The following TJP2 variants were observed in gnomAD, a reference collection of about 807,000 sequenced individuals.
TJP2 encodes the protein Friedreich ataxia region gene X104 (tight junction protein ZO-2).
A neutral mutation model predicts 133.1 loss-of-function variants in TJP2; 91 were observed. The ratio of observed to expected loss-of-function variants is 0.68; its 90% CI spans 0.58 to 0.81. The LOEUF (loss-of-function observed/expected upper bound fraction) is 0.81, where lower values mean the gene tolerates loss of function less well. TJP2 is among the 40% of genes least tolerant of loss of function. The pLI, the probability that TJP2 is intolerant of heterozygous loss-of-function variation, is 0.00. For synonymous variants in TJP2, 592 were observed against 583.4 expected (o/e 1.01, Z -0.21); for missense variants, 1,541 against 1,565.6 (o/e 0.98, Z 0.26).
intron 12 of TJP2, among the ~76,000 whole-genome samples, chr9:69,235,245 A>T (rs1304720751): frequency 6.6e-6 from 1 of 152,116 alleles, no homozygotes; most frequent in Non-Finnish European, 1.5e-5. Context: ...AAAAGAGCTG[A>T]TGTCGCCTTT....
At chr9:69,241,502 G>C (rs1830573593) in intron 17 of TJP2, among the ~76,000 whole-genome samples, 2 of 152,128 alleles carry the variant, frequency 1.3e-5, no homozygotes. Flanking sequence ...AGTGTAACTT[G>C]GTTTTTCTTG....
At chr9:69,185,600 T>C (rs965427571) in intron 1 of TJP2, among the ~76,000 whole-genome samples, 4 of 152,242 alleles carry the variant, frequency 2.6e-5, no homozygotes, top group Non-Finnish European at 5.9e-5. Flanking sequence ...GCTGCTTTAA[T>C]GTATAATTTT....
chr9:69,122,231 C>T (rs1004919426), intron 1 of TJP2: 4 of 152,308 alleles, frequency 2.6e-5, no homozygotes, highest in Admixed American at 6.5e-5. Context: ...TCTGTTGGCG[C>T]AGCCAACTGC....
chr9:69,174,199 ACGCCGC>A, upstream of TJP2: 1 of 1,388,530 alleles, frequency 7.2e-7, no homozygotes. Context: ...GGGCGGGCTG[ACGCCGC>A]CGCCGCCGCG....
chr9:69,165,338 A>G (rs1342460889), intron 2 of TJP2, among the ~76,000 whole-genome samples: 3 of 151,998 alleles, frequency 2.0e-5, no homozygotes, highest in African/African-American at 4.8e-5. Context: ...GGGTCTTCCT[A>G]TGTTGCCTAG....
At chr9:69,157,615 G>A (rs939832863) in intron 2 of TJP2, among the ~76,000 whole-genome samples, 3 of 151,956 alleles carry the variant, frequency 2.0e-5, no homozygotes, top group Non-Finnish European at 2.9e-5. Context: ...AGAGGCACAC[G>A]CCACCATGCC....
intron 21 of TJP2, among the ~76,000 whole-genome samples, chr9:69,251,968 A>C (rs566926583): frequency 6.2e-4 from 95 of 152,098 alleles, no homozygotes; most frequent in African/African-American, 2.3e-3. Context: ...TACCATTTCA[A>C]CCACTTTTTT....
chr9:69,171,453 T>G (rs564873587), upstream of TJP2, among the ~76,000 whole-genome samples: 1 of 152,304 alleles, frequency 6.6e-6, no homozygotes, highest in East Asian at 1.9e-4. Flanking sequence ...AACTTCACCT[T>G]CTGGCACCTC....
chr9:69,174,943 G>A (rs1198734329), intron 1 of TJP2, among the ~76,000 whole-genome samples: 1 of 150,856 alleles, frequency 6.6e-6, no homozygotes, highest in Non-Finnish European at 1.5e-5. Flanking sequence ...TAGGGAATGG[G>A]GATGGAGGTT....
chr9:69,150,460 ATTTT>A (rs964890118), intron 1 of TJP2, among the ~76,000 whole-genome samples: 20 of 151,428 alleles, frequency 1.3e-4, no homozygotes, highest in African/African-American at 4.9e-4. Context: ...TGCCCAGCTA[ATTTT>A]TGTATTTTTA....
intron 19 of TJP2, chr9:69,248,906 G>T (rs1164324536): frequency 1.0e-6 from 1 of 988,632 alleles, no homozygotes. Flanking sequence ...TATTGCTGTG[G>T]ATTTCTCTCT....
At position 69,252,846 on chromosome 9, in the gene TJP2, A is replaced by C; in HGVS notation, c.3353A>C (p.Tyr1118Ser). ...ATTGCCCAGAAGCATCCTGATATCT[A>C]TGCAGTTCCAATCAAAACGCACAAG... is the stretch of plus-strand genomic sequence containing the variant. ...IEIAQKHPDI[Y>S]AVPIKTHKPD... The change falls in exon 22 of 23, where the codon TAT becomes TCT. Residue 1118 changes from tyrosine to serine, a missense_variant. Transcript: ENST00000377245. 1 of 1,614,194 alleles carries C rather than the reference A, an allele frequency of 6.2e-7. No homozygotes were observed. The highest frequency in any genetic ancestry group is 8.5e-7 in the Non-Finnish European group (1 of 1,180,048).
At chr9:69,140,914 T>C (rs879629392) in intron 1 of TJP2, among the ~76,000 whole-genome samples, 7 of 152,250 alleles carry the variant, frequency 4.6e-5, no homozygotes, top group Non-Finnish European at 8.8e-5. Context: ...TGGTGCGATC[T>C]TGGCTCACTG....
chr9:69,165,684 C>T (rs1824313412), intron 2 of TJP2, among the ~76,000 whole-genome samples: 1 of 152,144 alleles, frequency 6.6e-6, no homozygotes, highest in Non-Finnish European at 1.5e-5. Context: ...GAGAGTGTGG[C>T]TTTCATATAT....
chr9:69,223,068 T>TG (rs1333069085), intron 5 of TJP2, among the ~76,000 whole-genome samples: 3 of 14,564 alleles, frequency 2.1e-4, no homozygotes, highest in African/African-American at 4.5e-4. Context: ...GACTCTGTCT[T>TG]GAAAAAAAAA....
chr9:69,148,294 A>T (rs550183428), intron 1 of TJP2, among the ~76,000 whole-genome samples: 1 of 144,300 alleles, frequency 6.9e-6, no homozygotes, highest in African/African-American at 2.6e-5. Context: ...AAAAGCCACA[A>T]TTGGAAGTCA....
chr9:69,193,184 G>T (rs1423899801), intron 1 of TJP2, among the ~76,000 whole-genome samples: 1 of 151,988 alleles, frequency 6.6e-6, no homozygotes, highest in Non-Finnish European at 1.5e-5. Context: ...CCAAAGTGCT[G>T]GGATTACAGG....
At chr9:69,161,405 T>G (rs771449199) in intron 2 of TJP2, among the ~76,000 whole-genome samples, 39 of 152,262 alleles carry the variant, frequency 2.6e-4, no homozygotes, top group Middle Eastern at 3.4e-3. Context: ...ATTTTTCTAT[T>G]TTTAGTAGAG....
Position 69,123,314 on chromosome 9 carries a change from T to G in TJP2, c.-131+1589T>G, listed in dbSNP as rs1438083720. ...ATTCTGTGGTAAAATATACATAAAGTAAAATGTAGTATTTTAGCCGTTTAA... is the reference window on the plus strand; with the variant it reads ...ATTCTGTGGTAAAATATACATAAAGGAAAATGTAGTATTTTAGCCGTTTAA... On this transcript the variant is annotated intron_variant, in intron 1 of 5. Transcript: ENST00000423935. Among the ~76,000 whole-genome samples, 2 of 74,010 alleles carry G rather than the reference T, an allele frequency of 2.7e-5. 1 individual carries two copies. Among genetic ancestry groups the G allele is most frequent in the African/African-American group, 8.2e-5 (2 of 24,252 alleles). The allele number at this position is 74,010 out of a possible 152,430, so 48.6% of individuals were successfully genotyped here.
Sources: allele counts gnomAD v4.1 joint callset (sites outside exome capture counted in the v4.1 genomes callset), GRCh38; gene constraint gnomAD v4.1.1; transcripts MANE v1.5; gene names NCBI Gene and HGNC (gene_info 2026-07-23, HGNC 2026-07-21).